PPP2R5C: variants seen among roughly 807,000 people sequenced by gnomAD.
The protein encoded by PPP2R5C is serine/threonine-protein phosphatase 2A 56 kDa regulatory subunit gamma isoform.
A neutral mutation model predicts 68.9 loss-of-function variants in PPP2R5C; 7 were observed. The ratio of observed to expected loss-of-function variants is 0.10; its 90% CI spans 0.06 to 0.19. The LOEUF (loss-of-function observed/expected upper bound fraction) is 0.19. Ranked by LOEUF, PPP2R5C falls within the 10% of genes least tolerant of loss-of-function variation. The pLI, the probability that PPP2R5C is intolerant of heterozygous loss-of-function variation, is 1.00. For synonymous variants in PPP2R5C, 210 were observed against 222.2 expected (o/e 0.95, Z 0.49); for missense variants, 348 against 641.3 (o/e 0.54, Z 4.94).
chr14:101,794,614 C>G (rs896239972), intron 3 of PPP2R5C, among the ~76,000 whole-genome samples: 3 of 152,194 alleles, frequency 2.0e-5, no homozygotes, highest in African/African-American at 7.2e-5. Flanking sequence ...TGTGTGCCTC[C>G]TCTAAGAGTA....
intron 1 of PPP2R5C, among the ~76,000 whole-genome samples, chr14:101,840,535 C>T (rs1161417421): frequency 1.4e-5 from 2 of 143,648 alleles, no homozygotes; most frequent in Non-Finnish European, 3.0e-5. Context: ...TCTTTTATAA[C>T]CTATCAAACT....
At chr14:101,785,214 T>A (rs573982512) in intron 2 of PPP2R5C, among the ~76,000 whole-genome samples, 1 of 151,994 alleles carries the variant, frequency 6.6e-6, no homozygotes, top group Non-Finnish European at 1.5e-5. Context: ...CAAGACTGAG[T>A]GGTGAGCCAG....
intron 1 of PPP2R5C, among the ~76,000 whole-genome samples, chr14:101,854,719 T>A (rs1045578969): frequency 6.6e-5 from 10 of 152,170 alleles, no homozygotes; most frequent in Admixed American, 1.3e-4. Flanking sequence ...CCTAAAAAAC[T>A]CTGCAGGACG....
intron 1 of PPP2R5C, among the ~76,000 whole-genome samples, chr14:101,828,470 G>A (rs2140317431): frequency 6.6e-6 from 1 of 152,046 alleles, no homozygotes; most frequent in South Asian, 2.1e-4. Context: ...AGGTGTAGGG[G>A]GAGTGTCGTA....
chr14:101,845,300 T>C (rs986525152), intron 1 of PPP2R5C, among the ~76,000 whole-genome samples: 1 of 152,228 alleles, frequency 6.6e-6, no homozygotes, highest in African/African-American at 2.4e-5. Context: ...GACTTTACCA[T>C]GTTCTGATTT....
chr14:101,860,674 A>G (rs933565872), intron 2 of PPP2R5C, among the ~76,000 whole-genome samples: 7 of 152,186 alleles, frequency 4.6e-5, no homozygotes, highest in African/African-American at 1.2e-4. Flanking sequence ...CAGTTTCTCC[A>G]TATCCTCAAC....
chr14:101,793,956 A>G (rs1231926500), intron 3 of PPP2R5C, among the ~76,000 whole-genome samples: 5 of 152,170 alleles, frequency 3.3e-5, no homozygotes, highest in African/African-American at 1.2e-4. Context: ...CTTCTTTCCA[A>G]CATCCAACTC....
chr14:101,844,388 G>A (rs755923483), intron 1 of PPP2R5C, among the ~76,000 whole-genome samples: 19 of 152,160 alleles, frequency 1.2e-4, no homozygotes, highest in Non-Finnish European at 2.2e-4. Flanking sequence ...TTTCTGGCAC[G>A]TGACATGGTA....
exon 9 of PPP2R5C, chr14:101,901,884 T>G (rs1318429529): frequency 6.2e-7 from 1 of 1,614,056 alleles, no homozygotes; most frequent in Admixed American, 1.7e-5. Context: ...CAGCCCACAC[T>G]TCCAGGTATG....
chr14:101,809,547 A>G (rs976580488), upstream of PPP2R5C, among the ~76,000 whole-genome samples: 1 of 147,694 alleles, frequency 6.8e-6, no homozygotes, highest in East Asian at 2.0e-4. Flanking sequence ...AGACATATAC[A>G]CACACTTTTT....
intron 1 of PPP2R5C, among the ~76,000 whole-genome samples, chr14:101,837,437 G>A (rs1050803941): frequency 1.3e-4 from 20 of 152,266 alleles, no homozygotes; most frequent in Admixed American, 3.9e-4. Flanking sequence ...GTGAGCCACC[G>A]TGCCCGACCC....
At chr14:101,907,915 C>G (rs1356459973) in intron 10 of PPP2R5C, among the ~76,000 whole-genome samples, 1 of 152,192 alleles carries the variant, frequency 6.6e-6, no homozygotes, top group Non-Finnish European at 1.5e-5. Flanking sequence ...GCCAGACCCC[C>G]GAGCGAGCGT....
intron 1 of PPP2R5C, among the ~76,000 whole-genome samples, chr14:101,843,155 G>A (rs546978766): frequency 1.3e-5 from 2 of 152,304 alleles, no homozygotes; most frequent in East Asian, 1.9e-4. Context: ...TTGAGCCCAG[G>A]AAGTTGAGGC....
chr14:101,772,658 T>C (rs1253375658), intron 2 of PPP2R5C, among the ~76,000 whole-genome samples: 1 of 151,964 alleles, frequency 6.6e-6, no homozygotes, highest in Admixed American at 6.6e-5. Context: ...AAGCCGAGTG[T>C]GGTGGCATGC....
At chr14:101,820,498 C>G (rs2039988603) in intron 1 of PPP2R5C, 2 of 152,236 alleles carry the variant, frequency 1.3e-5, no homozygotes, top group African/African-American at 4.8e-5. Flanking sequence ...CTGACAGGTT[C>G]ATCAACATGG....
chr14:101,830,370 T>C (rs905884374), intron 1 of PPP2R5C, among the ~76,000 whole-genome samples: 2 of 152,226 alleles, frequency 1.3e-5, no homozygotes, highest in African/African-American at 2.4e-5. Context: ...CAAAGGATGA[T>C]CCATTCAGAA....
Position 101,863,364 on chromosome 14 carries a change from C to T in PPP2R5C, c.294+6479C>T, listed in dbSNP as rs144154167. Among the ~76,000 whole-genome samples the T allele has an allele frequency of 4.0e-5, 6 of 151,798 alleles. No homozygotes were observed. In the East Asian group the frequency reaches 1.2e-3, roughly 29 times the overall value. On this transcript the variant is annotated intron_variant, in intron 2 of 13. Transcript: ENST00000334743. ...TCCTGAGTTGGTCTTGAACTCCTGG[C>T]CTCTAGTAATAATCCTGCCCCAGCC...
chr14:101,775,484 G>A (rs1336008720), intron 2 of PPP2R5C, among the ~76,000 whole-genome samples: 2 of 152,320 alleles, frequency 1.3e-5, no homozygotes, highest in South Asian at 2.1e-4. Flanking sequence ...GGAAGGTTGT[G>A]GGGTGTGAGG....
chr14:101,802,275 G>A (rs189251884), intron 3 of PPP2R5C, among the ~76,000 whole-genome samples: 11 of 152,276 alleles, frequency 7.2e-5, no homozygotes, highest in African/African-American at 2.2e-4. Flanking sequence ...AGCTGGGTGT[G>A]TTGGCACACA....
Sources: gnomAD v4.1 joint callset for allele counts (sites outside exome capture counted in the v4.1 genomes callset) on GRCh38, gnomAD v4.1.1 for gene constraint, MANE v1.5 for transcripts, NCBI Gene and HGNC (gene_info 2026-07-23, HGNC 2026-07-21) for gene names.